ANKFN1: variants seen among roughly 807,000 people sequenced by gnomAD.
The protein encoded by ANKFN1 is ankyrin repeat and fibronectin type-III domain-containing protein 1.
ANKFN1 carries 74 observed loss-of-function variants against 108.7 expected under a neutral mutation model. That is an observed-to-expected ratio of 0.68 (90% CI 0.56 to 0.83). The LOEUF is 0.83. Ranked by LOEUF, ANKFN1 falls within the 40% of genes least tolerant of loss-of-function variation. The pLI is 0.00. For synonymous variants in ANKFN1, 547 were observed against 516.2 expected (o/e 1.06, Z -0.81); for missense variants, 1,505 against 1,382.3 (o/e 1.09, Z -1.41).
At chr17:56,192,133 A>G (rs565972625) in intron 1 of ANKFN1, among the ~76,000 whole-genome samples, 2,125 of 151,834 alleles carry the variant, frequency 0.014, 65 homozygotes, top group African/African-American at 0.05. Flanking sequence ...CAAACCTGAG[A>G]AAAACAAGCA....
At chr17:56,188,761 T>G (rs536907586) in intron 1 of ANKFN1, among the ~76,000 whole-genome samples, 5 of 151,650 alleles carry the variant, frequency 3.3e-5, no homozygotes, top group African/African-American at 1.2e-4. Flanking sequence ...AACTCCTAAA[T>G]CCCTCAGAAT....
chr17:56,456,355 T>C (rs946207314), intron 11 of ANKFN1, among the ~76,000 whole-genome samples: 4 of 151,850 alleles, frequency 2.6e-5, no homozygotes, highest in Non-Finnish European at 4.4e-5. Context: ...AGTTGTTCAT[T>C]GAGTTAACCA....
chr17:56,267,279 G>T (rs8068026), intron 3 of ANKFN1, among the ~76,000 whole-genome samples: 13,085 of 152,122 alleles, frequency 0.086, 748 homozygotes, highest in African/African-American at 0.16. Context: ...TGAGGTTGTT[G>T]GATTTTTGTT....
At chr17:56,477,758 T>C (rs533493826) in intron 16 of ANKFN1, 104 bp downstream of exon 16, 1 of 1,313,164 alleles carries the variant, frequency 7.6e-7, no homozygotes, top group Non-Finnish European at 1.1e-6. Context: ...AGGGCAGTTT[T>C]TATGGTGAGG....
intron 4 of ANKFN1, among the ~76,000 whole-genome samples, chr17:56,146,725 A>C (rs973367045): frequency 6.6e-6 from 1 of 152,178 alleles, no homozygotes; most frequent in Non-Finnish European, 1.5e-5. Context: ...GCCCTGGGCC[A>C]GGAAACCATT....
intron 4 of ANKFN1, among the ~76,000 whole-genome samples, chr17:56,072,554 T>C (rs1905132742): frequency 6.6e-6 from 1 of 152,216 alleles, no homozygotes; most frequent in Non-Finnish European, 1.5e-5. Context: ...ATCTTCCCTT[T>C]TAACAGCATA....
intron 14 of ANKFN1, among the ~76,000 whole-genome samples, chr17:56,465,353 C>T (rs1173865682): frequency 1.3e-5 from 2 of 152,166 alleles, no homozygotes; most frequent in Non-Finnish European, 2.9e-5. Flanking sequence ...GATAAGGTTT[C>T]GGCCGCAGTC....
At chr17:56,463,597 A>T (rs141735726) in intron 14 of ANKFN1, among the ~76,000 whole-genome samples, 353 of 152,270 alleles carry the variant, frequency 2.3e-3, no homozygotes, top group Non-Finnish European at 3.7e-3. Context: ...AGAGGGCCCA[A>T]AGAGGGAGAA....
intron 1 of ANKFN1, among the ~76,000 whole-genome samples, chr17:56,183,911 G>C (rs1427479067): frequency 6.6e-6 from 1 of 152,188 alleles, no homozygotes; most frequent in African/African-American, 2.4e-5. Context: ...AAAGCCTTCA[G>C]ATGTGACTGA....
At chr17:56,333,813 C>T (rs932516164) in intron 4 of ANKFN1, among the ~76,000 whole-genome samples, 17 of 152,054 alleles carry the variant, frequency 1.1e-4, no homozygotes, top group South Asian at 2.1e-4. Flanking sequence ...TATTAGCATA[C>T]GGAAAAAGAA....
chr17:56,205,400 G>C (rs1914446542), intron 1 of ANKFN1, among the ~76,000 whole-genome samples: 1 of 152,144 alleles, frequency 6.6e-6, no homozygotes, highest in Non-Finnish European at 1.5e-5. Flanking sequence ...TATAAAAGTT[G>C]ATGCAAATAT....
intron 4 of ANKFN1, among the ~76,000 whole-genome samples, chr17:56,091,418 T>TCACACA (rs34588908): frequency 0.027 from 3,673 of 136,862 alleles, 115 homozygotes; most frequent in East Asian, 0.048. Flanking sequence ...TCCAAACAAA[T>TCACACA]CACACACACA....
At chr17:56,297,215 C>A (rs183636489) in intron 3 of ANKFN1, among the ~76,000 whole-genome samples, 107 of 152,292 alleles carry the variant, frequency 7.0e-4, no homozygotes, top group African/African-American at 2.3e-3. Flanking sequence ...TTTCCTTTCT[C>A]CTTATTGTTA....
chr17:56,395,363 AGCCATACGGAG>A (rs2047550481), intron 8 of ANKFN1, among the ~76,000 whole-genome samples: 1 of 152,170 alleles, frequency 6.6e-6, no homozygotes, highest in Non-Finnish European at 1.5e-5. Context: ...ACACAACCAC[AGCCATACGGAG>A]GCACTGGCTG....
At chr17:56,409,571 A>G (rs2048026364) in intron 8 of ANKFN1, among the ~76,000 whole-genome samples, 1 of 152,162 alleles carries the variant, frequency 6.6e-6, no homozygotes, top group Admixed American at 6.5e-5. Flanking sequence ...AAAGCCATCA[A>G]AATTAATCCT....
intron 6 of ANKFN1, among the ~76,000 whole-genome samples, chr17:56,355,005 A>T (rs541838649): frequency 1.3e-5 from 2 of 152,256 alleles, no homozygotes; most frequent in African/African-American, 2.4e-5. Flanking sequence ...ACAATTAGGT[A>T]GGAGGAATGT....
At chr17:56,339,702 A>G (rs1189073551) in intron 4 of ANKFN1, among the ~76,000 whole-genome samples, 2 of 152,144 alleles carry the variant, frequency 1.3e-5, no homozygotes, top group Admixed American at 1.3e-4. Context: ...TATTCAGTCT[A>G]TCATTGATGG....
chr17:56,150,825 A>G (rs1908557376), upstream of ANKFN1, among the ~76,000 whole-genome samples: 1 of 150,510 alleles, frequency 6.6e-6, no homozygotes, highest in Non-Finnish European at 1.5e-5. Context: ...GAGCTGACTC[A>G]GGGAGATATC....
chr17:56,439,708 G>T (rs1240677432), intron 8 of ANKFN1, among the ~76,000 whole-genome samples: 1 of 152,126 alleles, frequency 6.6e-6, no homozygotes, highest in Non-Finnish European at 1.5e-5. Context: ...GTCAAATGAT[G>T]TGGAGATAAT....
Sources: allele counts gnomAD v4.1 joint callset (sites outside exome capture counted in the v4.1 genomes callset), GRCh38; gene constraint gnomAD v4.1.1; transcripts MANE v1.5; gene names NCBI Gene and HGNC (gene_info 2026-07-23, HGNC 2026-07-21).